The following SMARCC2 variants were observed in gnomAD, a reference collection of about 807,000 sequenced individuals.
SMARCC2 encodes SWI/SNF complex subunit SMARCC2.
Under a neutral mutation model 151.3 loss-of-function variants are expected in SMARCC2, and 15 were observed. The observed-to-expected ratio is 0.10, with a 90% CI of 0.07 to 0.15. The LOEUF is 0.15. Ranked by LOEUF, SMARCC2 falls within the 10% of genes least tolerant of loss-of-function variation. SMARCC2 has a pLI of 1.00. For synonymous variants in SMARCC2, 590 were observed against 609.5 expected (o/e 0.97, Z 0.47); for missense variants, 1,031 against 1,599.7 (o/e 0.64, Z 6.06).
At chr12:56,170,815 C>T (rs1351556157) in intron 22 of SMARCC2, among the ~76,000 whole-genome samples, 1 of 150,534 alleles carries the variant, frequency 6.6e-6, no homozygotes, top group Non-Finnish European at 1.5e-5. Context: ...TCACTGCAAC[C>T]TCTGGCACCC....
intron 3 of SMARCC2, 33 bp from the exon 4 acceptor site, chr12:56,185,144 T>C (rs775196563): frequency 2.2e-5 from 34 of 1,573,876 alleles, no homozygotes; most frequent in Non-Finnish European, 2.8e-5. Flanking sequence ...GTGAGTGGTA[T>C]AGCTCAGGTC....
intron 14 of SMARCC2, 75 bp downstream of exon 14, chr12:56,178,329 C>G: frequency 6.5e-7 from 1 of 1,534,382 alleles, no homozygotes; most frequent in Non-Finnish European, 9.0e-7. Flanking sequence ...TTGGAGGAGG[C>G]AGGGAGAAGA....
Position 56,182,039 on chromosome 12 carries a change from C to A in SMARCC2, c.673G>T (p.Val225Leu). The A allele has an allele frequency of 6.2e-7, 1 of 1,612,842 alleles. No homozygotes were observed. The highest frequency in any genetic ancestry group is 8.5e-7 in the Non-Finnish European group (1 of 1,179,304). The change falls in exon 8 of 29, where the codon GTG becomes TTG. Residue 225 changes from valine to leucine, a missense_variant. Coordinates refer to ENST00000550164, the MANE Select transcript of SMARCC2 (RefSeq NM_001330288.2). ...WIPASEIEAS[V>L]EDAPTPEKPR... The stretch of plus-strand genomic sequence containing the variant: ...TTCTCAGGAGTTGGAGCATCTTCCA[C>A]AGATGCCTCAATTTCACTCGCTGGG...
At chr12:56,186,630 G>T in intron 2 of SMARCC2, 1 of 220,530 alleles carries the variant, frequency 4.5e-6, no homozygotes, top group Non-Finnish European at 9.1e-6. Flanking sequence ...GATTACAGGC[G>T]TGAGCCACCA....
chr12:56,167,254 G>A (rs1017810229), intron 26 of SMARCC2, among the ~76,000 whole-genome samples: 2 of 151,840 alleles, frequency 1.3e-5, no homozygotes, highest in East Asian at 3.9e-4. Flanking sequence ...GGGAGGCTGA[G>A]GCAGGAGAAT....
chr12:56,172,842 T>C (rs1035507120), intron 18 of SMARCC2, 95 bp downstream of exon 18: 4 of 1,561,792 alleles, frequency 2.6e-6, no homozygotes, highest in Non-Finnish European at 2.6e-6. Context: ...CCCTTACTGC[T>C]GTAGTTCCTC....
intron 5 of SMARCC2, 42 bp from the exon 6 acceptor site, chr12:56,184,286 T>C (rs370917677): frequency 6.9e-7 from 1 of 1,452,098 alleles, no homozygotes; most frequent in Non-Finnish European, 9.6e-7. Flanking sequence ...TGGTCCCCTC[T>C]GAATTACTCA....
Position 56,171,607 on chromosome 12 carries a change from A to G in SMARCC2, c.2185+72T>C. 1 of 1,511,166 alleles carries G rather than the reference A, an allele frequency of 6.6e-7. No individual in the cohort carries two copies. The highest frequency in any genetic ancestry group is 8.9e-7 in the Non-Finnish European group (1 of 1,125,810). 93.6% of individuals were successfully genotyped at this position (1,511,166 alleles called of 1,614,324 possible). On this transcript the variant is annotated intron_variant, in intron 21 of 28. Coordinates refer to ENST00000550164, the MANE Select transcript of SMARCC2 (RefSeq NM_001330288.2). This position sits in a 1 kb window ranked among gnomAD's most constrained non-coding sequence, Gnocchi z 4.2. ...CAGCAGGGCAGCCAAACTTGAGAGG[A>G]TTCACAGTCTGAGTAACTAGCCCTT...
Position 56,180,970 on chromosome 12 carries a change from C to T in SMARCC2, c.1081+7G>A, listed in dbSNP as rs1007944978. 1.9e-6 allele frequency: 3 copies of T among 1,610,574 alleles called. No individual in the cohort carries two copies. The highest frequency in any genetic ancestry group is 1.3e-5 in the African/African-American group (1 of 74,758). ...GGTGGATCCCAGGAGCTCAGCCTGG[C>T]CTGTACCTGTTTTGGGAAGTGTCAC... is the stretch of plus-strand genomic sequence containing the variant. On this transcript the variant is annotated splice_region_variant and intron_variant, in intron 11 of 28. Coordinates refer to ENST00000550164, the MANE Select transcript of SMARCC2 (RefSeq NM_001330288.2).
chr12:56,177,063 C>T (rs961820122), intron 15 of SMARCC2, among the ~76,000 whole-genome samples: 2 of 152,106 alleles, frequency 1.3e-5, no homozygotes, highest in Non-Finnish European at 2.9e-5. Context: ...TCGGGTGATC[C>T]GCCCGCCTCA....
intron 17 of SMARCC2, among the ~76,000 whole-genome samples, 167 bp downstream of exon 17, chr12:56,173,529 A>G (rs998028879): frequency 6.6e-6 from 1 of 152,220 alleles, no homozygotes; most frequent in African/African-American, 2.4e-5. Flanking sequence ...AAAGGCTGAG[A>G]GAGGATGCTA....
intron 13 of SMARCC2, 79 bp downstream of exon 13, chr12:56,178,731 A>C (rs1246407444): frequency 6.5e-7 from 1 of 1,527,560 alleles, no homozygotes; most frequent in African/African-American, 1.4e-5. Flanking sequence ...CTGGGCAGTG[A>C]AAAGTTTGGG....
rs757327053 is a variant in SMARCC2, at chr12:56,171,103, G to A, written c.2347+168C>T. 9.2e-5 allele frequency among the ~76,000 whole-genome samples: 14 copies of A among 152,216 alleles called. No individual in the cohort carries two copies. Among genetic ancestry groups the A allele is most frequent in the Non-Finnish European group, 1.6e-4 (11 of 68,042 alleles). The stretch of plus-strand genomic sequence containing the variant: ...ACCCAAAATCTTCATGAGAGGACTA[G>A]TAGGGCTCCAGAGCCCCTGAGGTAA... On this transcript the variant is annotated intron_variant, in intron 22 of 28. Transcript: ENST00000550164. The surrounding 1 kb of genome is among the most constrained non-coding windows in gnomAD (Gnocchi z 4.2).
intron 22 of SMARCC2, 33 bp from the exon 23 acceptor site, chr12:56,170,241 A>C: frequency 1.9e-6 from 3 of 1,569,018 alleles, no homozygotes; most frequent in Non-Finnish European, 2.6e-6. Flanking sequence ...AAAACAGGAA[A>C]TGTTTAATAC....
At chr12:56,189,280 C>A (rs1278575161) in intron 1 of SMARCC2, 71 bp downstream of exon 1, 4 of 961,632 alleles carry the variant, frequency 4.2e-6, no homozygotes, top group East Asian at 3.2e-5. Flanking sequence ...TAGGCAGGAT[C>A]CCGGGGCTGC....
intron 11 of SMARCC2, 134 bp downstream of exon 11, chr12:56,180,843 T>C (rs1876059812): frequency 2.2e-6 from 2 of 905,548 alleles, no homozygotes; most frequent in Non-Finnish European, 1.7e-6. Flanking sequence ...GTAATTCCAA[T>C]AACCAGCTAA....
intron 5 of SMARCC2, 68 bp downstream of exon 5, chr12:56,184,776 C>T: frequency 1.1e-6 from 1 of 941,438 alleles, no homozygotes; most frequent in Non-Finnish European, 1.7e-6. Context: ...AGGGCTGCTG[C>T]TTGGTATAGA....
At chr12:56,186,922 C>T (rs1457643718) in intron 2 of SMARCC2, 1 of 285,462 alleles carries the variant, frequency 3.5e-6, no homozygotes. Context: ...TCTCAAGTCC[C>T]CTTTTAACCA....
At chr12:56,170,737 T>TA (rs566512837) in intron 22 of SMARCC2, among the ~76,000 whole-genome samples, 4,302 of 143,160 alleles carry the variant, frequency 0.03, 219 homozygotes, top group African/African-American at 0.1. Flanking sequence ...TTTTTTTTTT[T>TA]TTTTTTTTTT....
Sources: gnomAD v4.1 joint callset for allele counts (sites outside exome capture counted in the v4.1 genomes callset) on GRCh38, gnomAD v4.1.1 for gene constraint, Gnocchi (gnomAD v3.1) non-coding constraint, MANE v1.5 for transcripts, NCBI Gene and HGNC (gene_info 2026-07-23, HGNC 2026-07-21) for gene names.